MID1: variants seen among roughly 807,000 people sequenced by gnomAD.
MID1 encodes the protein midline 1.
A neutral mutation model predicts 40.4 loss-of-function variants in MID1; 7 were observed. That is an observed-to-expected ratio of 0.17 (90% CI 0.10 to 0.33). The LOEUF is 0.33. Ranked by LOEUF, MID1 falls within the 10% of genes least tolerant of loss-of-function variation. The pLI, the probability that MID1 is intolerant of heterozygous loss-of-function variation, is 1.00. For missense variants in MID1, 367 were observed against 558.5 expected, an observed-to-expected ratio of 0.66 and a Z score of 3.46; for synonymous variants, 229 against 221.2, an observed-to-expected ratio of 1.04 and a Z score of -0.31.
At chrX:10,453,945 G>A (rs1434543269) in intron 9 of MID1, among the ~76,000 whole-genome samples, 1 of 112,210 alleles carries the variant, frequency 8.9e-6, no homozygotes, top group Non-Finnish European at 1.9e-5. Context: ...GTTGACATCT[G>A]TAAAATGCTT....
chrX:10,582,335 A>G (rs1404709348), intron 1 of MID1, among the ~76,000 whole-genome samples: 2 of 111,886 alleles, frequency 1.8e-5, no homozygotes, highest in Non-Finnish European at 3.8e-5. Context: ...TGTTTGCTAT[A>G]CAAACATCCT....
At chrX:10,793,816 C>T (rs752665135) in intron 1 of MID1, among the ~76,000 whole-genome samples, 1 of 112,239 alleles carries the variant, frequency 8.9e-6, no homozygotes, top group African/African-American at 3.2e-5. Context: ...ATTCAGGTCA[C>T]CTCCACAGAG....
intron 1 of MID1, among the ~76,000 whole-genome samples, chrX:10,640,343 A>G (rs915654105): frequency 9.0e-6 from 1 of 111,104 alleles, no homozygotes; most frequent in African/African-American, 3.3e-5. Flanking sequence ...AATGGGGGGC[A>G]AAAAAAGCAG....
intron 1 of MID1, among the ~76,000 whole-genome samples, chrX:10,783,976 A>G (rs1400157426): frequency 9.0e-6 from 1 of 111,463 alleles, no homozygotes; most frequent in Non-Finnish European, 1.9e-5. Context: ...AAAATTTTTG[A>G]CTTCAAAATA....
intron 2 of MID1, among the ~76,000 whole-genome samples, chrX:10,543,845 T>TA (rs1278403101): frequency 5.0e-4 from 51 of 102,220 alleles, no homozygotes; most frequent in African/African-American, 1.3e-3. Flanking sequence ...TCTGTTTTTT[T>TA]AAAAAAAAAA....
At chrX:10,755,022 G>A (rs2043623610) in intron 1 of MID1, among the ~76,000 whole-genome samples, 1 of 111,558 alleles carries the variant, frequency 9.0e-6, no homozygotes, top group Admixed American at 9.6e-5. Context: ...GAACTTGCAG[G>A]AAAAGTTTGA....
In MID1 at chrX:10,550,173, C is replaced by T. The variant is rs768919106; in HGVS notation, c.660+16715G>A. Among the ~76,000 whole-genome samples, 5 of 112,040 alleles carry T rather than the reference C, an allele frequency of 4.5e-5. No individual in the cohort carries two copies. In the East Asian group the frequency reaches 1.1e-3, roughly 25 times the overall value. ...ATACATCAAATATAAGCCATTTGGG[C>T]GAAAGTCTCAGCTGCCAGCCTGTTC... On this transcript the variant is annotated intron_variant, in intron 2 of 9. Transcript: ENST00000317552.
rs1181541880 is a variant in MID1, at chrX:10,451,492, T to TAAGC, written c.1656-1780_1656-1777dup. Among the ~76,000 whole-genome samples the TAAGC allele has an allele frequency of 2.7e-5, 3 of 111,574 alleles. No homozygotes were observed. In the East Asian group the frequency reaches 8.5e-4, roughly 32 times the overall value. Reference sequence around the variant, plus strand: ...ATGCCCCAGCCCTTCCAGGGTCCTGTAAGCTTCTGGCTCCCTTCTGTGGCA... The same window carrying TAAGC: ...ATGCCCCAGCCCTTCCAGGGTCCTGTAAGCAAGCTTCTGGCTCCCTTCTGTGGCA... On this transcript the variant is annotated intron_variant, in intron 9 of 9. Transcript: ENST00000317552.
chrX:10,518,268 A>G (rs2147360580), intron 3 of MID1, among the ~76,000 whole-genome samples: 1 of 112,188 alleles, frequency 8.9e-6, no homozygotes, highest in Admixed American at 9.4e-5. Flanking sequence ...AGTCAGGGTC[A>G]TCTGACTCTC....
At chrX:10,482,416 A>G (rs1381857047) in intron 5 of MID1, 64 bp downstream of exon 5, 1 of 1,136,061 alleles carries the variant, frequency 8.8e-7, no homozygotes, top group African/African-American at 1.8e-5. Flanking sequence ...GGCAAGACCA[A>G]CCAATCACAG....
chrX:10,543,940 A>G (rs1933579642), intron 2 of MID1, among the ~76,000 whole-genome samples: 1 of 111,275 alleles, frequency 9.0e-6, no homozygotes, highest in Non-Finnish European at 1.9e-5. Flanking sequence ...CAGGAGGTGG[A>G]GGTTGCAGTG....
intron 1 of MID1, among the ~76,000 whole-genome samples, chrX:10,606,922 G>A (rs766293959): frequency 4.2e-4 from 47 of 110,618 alleles, no homozygotes; most frequent in African/African-American, 1.5e-3. Context: ...TTGTAGAGAT[G>A]GGGTCTCAGT....
rs746606719 is a variant in MID1, at chrX:10,746,225, GAT to G, written c.-187+87327_-187+87328del. ...AATGTGGATTGTGACTAAAACACAA[GAT>G]GTATTGACGTAGCAGCCTTAACCTT... On this transcript the variant is annotated intron_variant, in intron 1 of 10. Coordinates refer to the MID1 transcript ENST00000380785. Among the ~76,000 whole-genome samples, 26 of 111,863 alleles carry G rather than the reference GAT, an allele frequency of 2.3e-4. No individual in the cohort carries two copies. In the East Asian group the frequency reaches 6.2e-3, roughly 27 times the overall value.
chrX:10,596,315 C>T (rs1228924064), intron 1 of MID1, among the ~76,000 whole-genome samples: 1 of 111,494 alleles, frequency 9.0e-6, no homozygotes, highest in Non-Finnish European at 1.9e-5. Flanking sequence ...CACCGATACC[C>T]GCCCAAGTAC....
intron 1 of MID1, among the ~76,000 whole-genome samples, chrX:10,817,474 A>G (rs1488357103): frequency 1.8e-5 from 2 of 110,886 alleles, no homozygotes; most frequent in Non-Finnish European, 3.8e-5. Flanking sequence ...GATGACTTCA[A>G]TGGATGACTT....
At chrX:10,673,734 G>A (rs2043004201) in intron 1 of MID1, among the ~76,000 whole-genome samples, 1 of 110,925 alleles carries the variant, frequency 9.0e-6, no homozygotes, top group Non-Finnish European at 1.9e-5. Flanking sequence ...CTTTTGTGGA[G>A]CAGGGAACAG....
intron 1 of MID1, among the ~76,000 whole-genome samples, chrX:10,593,545 T>G (rs1221390899): frequency 9.0e-6 from 1 of 111,579 alleles, no homozygotes; most frequent in African/African-American, 3.3e-5. Context: ...AGTCTTACAT[T>G]TTAGCGTTCC....
chrX:10,522,250 G>A (rs1231868607), intron 3 of MID1, among the ~76,000 whole-genome samples: 3 of 111,891 alleles, frequency 2.7e-5, no homozygotes, highest in Non-Finnish European at 5.6e-5. Context: ...CACACCAGGA[G>A]AATGTGATAA....
At chrX:10,708,453 G>T (rs767881646) in intron 1 of MID1, among the ~76,000 whole-genome samples, 2 of 111,170 alleles carry the variant, frequency 1.8e-5, no homozygotes, top group South Asian at 7.6e-4. Context: ...GAAGTTCAGA[G>T]CAGAGGAGGA....
Sources: gnomAD v4.1 joint callset for allele counts (sites outside exome capture counted in the v4.1 genomes callset) on GRCh38, gnomAD v4.1.1 for gene constraint, MANE v1.5 for transcripts, NCBI Gene and HGNC (gene_info 2026-07-23, HGNC 2026-07-21) for gene names.